Variants in TASOR observed in about 807,000 individuals in gnomAD.
TASOR encodes the protein transcription activation suppressor, also known as protein TASOR.
A neutral mutation model predicts 178.6 loss-of-function variants in TASOR; 53 were observed. The observed-to-expected ratio is 0.30, with a 90% confidence interval of 0.24 to 0.37. TASOR has a LOEUF of 0.37. Among genes scored for constraint, TASOR ranks in the 10% least tolerant of loss-of-function variants. The pLI is 1.00. For missense variants in TASOR, 1,815 were observed against 1,971.4 expected (o/e 0.92, Z 1.50); for synonymous variants, 713 against 696.2 (o/e 1.02, Z -0.38).
Position 56,641,727 on chromosome 3 carries a change from A to C in TASOR, c.2241T>G (p.Leu747=). 6.2e-7 allele frequency: 1 copy of C among 1,614,052 alleles called. No homozygotes were observed. The highest frequency in any genetic ancestry group is 8.5e-7 in the Non-Finnish European group (1 of 1,179,910). Residue 747 remains leucine (L), a synonymous_variant, in exon 15 of 24, where the codon CTT becomes CTG. Transcript: ENST00000683822. ...GCCGCCTCAAGTCAGCATCATGTCC[A>C]AGTGAGCCAATAGGCTGTGGAGACT... The part of the protein sequence containing the change: ...YEESPQPIGS[L]GHDADLRRQQ...
chr3:56,640,960 G>A (rs1445433078), intron 15 of TASOR, among the ~76,000 whole-genome samples: 1 of 152,170 alleles, frequency 6.6e-6, no homozygotes, highest in Non-Finnish European at 1.5e-5. Context: ...ACTGAGACTG[G>A]CATCCTCATC....
rs1277094721 is a variant in TASOR at position 56,622,836 on chromosome 3, C to T, written c.*201G>A. On this transcript the variant is annotated 3_prime_UTR_variant, in exon 24 of 24. Coordinates refer to ENST00000683822, the MANE Select transcript of TASOR (RefSeq NM_001365635.2). ...AAAAAGTAAAACTTAGAAGTGCCAA[C>T]ATGAGATAATTCAAGTACAATATAT... The T allele has an allele frequency of 2.8e-6, 1 of 358,624 alleles. No homozygotes were observed. Among genetic ancestry groups the T allele is most frequent in the East Asian group, 4.4e-5 (1 of 22,846 alleles). The allele number at this position is 358,624 out of a possible 1,614,324, so 22.2% of individuals were successfully genotyped here. A position where few individuals can be genotyped will look rare whatever the true frequency, so the allele number is the denominator to read the frequency against.
chr3:56,633,061 G>A lies in TASOR; in HGVS notation c.3730C>T (p.Leu1244Phe). ...FYIHEEEESVLCKEIKEYLIK... is the reference protein window; with the variant it reads ...FYIHEEEESVFCKEIKEYLIK... ...TTAGTTACCTTTATTTCTTTACAGA[G>A]CACACTCTCTTCTTCTTCATGAATA... is the stretch of plus-strand genomic sequence containing the variant. Residue 1244 changes from leucine (L) to phenylalanine (F), a missense_variant, in exon 18 of 24, where the codon CTC becomes TTC. Physicochemically the swap from Leu to Phe is conservative, Grantham distance 22 (BLOSUM62 0). This residue lies in a region of TASOR where 655 missense variants were observed against 671.1 expected (regional missense o/e 0.98). Coordinates refer to ENST00000683822, the MANE Select transcript of TASOR (RefSeq NM_001365635.2). 1 of 1,593,482 alleles carries A rather than the reference G, an allele frequency of 6.3e-7. No homozygotes were observed.
intron 2 of TASOR, among the ~76,000 whole-genome samples, 196 bp downstream of exon 2, chr3:56,673,384 A>T (rs2107634252): frequency 7.0e-6 from 1 of 143,568 alleles, no homozygotes; most frequent in African/African-American, 2.6e-5. Flanking sequence ...GTGAGCCGAG[A>T]TCGCGCCACT....
intron 4 of TASOR, 106 bp downstream of exon 4, chr3:56,669,967 T>C: frequency 1.1e-6 from 1 of 926,428 alleles, no homozygotes; most frequent in Non-Finnish European, 1.6e-6. Context: ...TCTGGGAACA[T>C]AATAAAGCAT....
Position 56,624,496 on chromosome 3 carries a change from T to G in TASOR, c.4466A>C (p.Asn1489Thr). Residue 1489 changes from asparagine (N) to threonine (T), a missense_variant, in exon 23 of 24, where the codon AAT (asparagine) becomes ACT (threonine). Coordinates refer to ENST00000683822, the MANE Select transcript of TASOR (RefSeq NM_001365635.2). ...ENLPQLGANE[N>T]LESQSALLEN... Reference sequence around the variant, plus strand: ...AAAGTTACCTGACTGCGACTCAAGATTCTCATTAGCACCAAGCTGTGGAAG... The same window carrying G: ...AAAGTTACCTGACTGCGACTCAAGAGTCTCATTAGCACCAAGCTGTGGAAG... 6.2e-7 allele frequency: 1 copy of G among 1,612,684 alleles called. No individual in the cohort carries two copies. The highest frequency in any genetic ancestry group is 1.3e-5 in the African/African-American group (1 of 74,940).
At chr3:56,659,235 C>A (rs977977342) in intron 11 of TASOR, among the ~76,000 whole-genome samples, 1 of 151,970 alleles carries the variant, frequency 6.6e-6, no homozygotes, top group Non-Finnish European at 1.5e-5. Context: ...TGAGGCTCAA[C>A]AAAGTGAGAA....
rs59204700 is a variant in TASOR, at chr3:56,630,802, G to A, written c.3748-2188C>T. Among the ~76,000 whole-genome samples the A allele has an allele frequency of 6.1e-3, 922 of 151,960 alleles. 5 individuals carry two copies. The highest frequency in any genetic ancestry group is 0.019 in the African/African-American group (797 of 41,432). ...GGAGGTTGCAGTGAGCCAAGATAGT[G>A]CCATTACACTCCACCCTGGGCAACA... On this transcript the variant is annotated intron_variant, in intron 18 of 23. Transcript: ENST00000683822.
chr3:56,656,902 C>G (rs994791575), intron 11 of TASOR, among the ~76,000 whole-genome samples: 12 of 151,540 alleles, frequency 7.9e-5, no homozygotes, highest in Non-Finnish European at 1.3e-4. Context: ...CCCAGCTACT[C>G]TGGAGGCTGA....
rs200344458 is a variant in TASOR, at chr3:56,623,584, A to G, written c.4484-18T>C. 17 of 1,554,470 alleles carry G rather than the reference A, an allele frequency of 1.1e-5. No homozygotes were observed. Among genetic ancestry groups the G allele is most frequent in the Non-Finnish European group, 1.3e-5 (15 of 1,160,188 alleles). On this transcript the variant is annotated intron_variant, in intron 23 of 23. Coordinates refer to ENST00000683822, the MANE Select transcript of TASOR (RefSeq NM_001365635.2). ...TAAAAGAGCTACATTTAAAAAACAA[A>G]AAGTCCTCCTCTATTGAAATACACA...
chr3:56,648,074 C>T (rs950463697), intron 13 of TASOR, among the ~76,000 whole-genome samples: 1 of 152,066 alleles, frequency 6.6e-6, no homozygotes, highest in Non-Finnish European at 1.5e-5. Context: ...GCTGTGCTGG[C>T]GCACGCCTGT....
intron 18 of TASOR, among the ~76,000 whole-genome samples, chr3:56,630,680 C>G (rs1044015558): frequency 1.3e-5 from 2 of 152,016 alleles, no homozygotes; most frequent in African/African-American, 4.8e-5. Context: ...CCTGTCTCTA[C>G]TAAAAATACA....
At chr3:56,635,228 A>G (rs2076992391) in intron 17 of TASOR, among the ~76,000 whole-genome samples, 1 of 152,232 alleles carries the variant, frequency 6.6e-6, no homozygotes, top group Non-Finnish European at 1.5e-5. Context: ...TTGCAAAGGC[A>G]ATTTGTCAGC....
At chr3:56,643,772 A>C (rs997490608) in intron 14 of TASOR, among the ~76,000 whole-genome samples, 12 of 149,638 alleles carry the variant, frequency 8.0e-5, no homozygotes, top group Non-Finnish European at 1.5e-4. Flanking sequence ...AAAAAAACAA[A>C]AAAAAAAGTT....
Position 56,620,146 on chromosome 3 carries a change from GT to G in TASOR, c.*2890del, listed in dbSNP as rs1663769397. The stretch of plus-strand genomic sequence containing the variant: ...TCAGACAGTTCTAAAATTAAGACAA[GT>G]TTATTGAGTAAAAAAATGCATACAT... On this transcript the variant is annotated 3_prime_UTR_variant, in exon 24 of 24. Coordinates refer to ENST00000683822, the MANE Select transcript of TASOR (RefSeq NM_001365635.2). The G allele has an allele frequency of 1.2e-5, 3 of 244,024 alleles. No homozygotes were observed. Among genetic ancestry groups the G allele is most frequent in the Non-Finnish European group, 2.3e-5 (3 of 128,244 alleles). The allele number at this position is 244,024 out of a possible 1,614,324, so 15.1% of individuals were successfully genotyped here.
Position 56,641,714 on chromosome 3 carries a change from C to A in TASOR, c.2254G>T (p.Asp752Tyr). 1 of 1,614,082 alleles carries A rather than the reference C, an allele frequency of 6.2e-7. No individual in the cohort carries two copies. The highest frequency in any genetic ancestry group is 1.1e-5 in the South Asian group (1 of 91,064). The change falls in exon 15 of 24, where the codon GAC becomes TAC. Residue 752 changes from aspartate (D) to tyrosine (Y), a missense_variant. By Grantham distance (160) the Asp-to-Tyr change is radical (BLOSUM62 -3). Transcript: ENST00000683822. ...QPIGSLGHDADLRRQQQDTCN... is the reference protein window; with the variant it reads ...QPIGSLGHDAYLRRQQQDTCN... ...GTATCCTGCTGCTGCCGCCTCAAGT[C>A]AGCATCATGTCCAAGTGAGCCAATA... is the stretch of plus-strand genomic sequence containing the variant.
At chr3:56,658,130 T>TA (rs2077511626) in intron 11 of TASOR, among the ~76,000 whole-genome samples, 2 of 152,224 alleles carry the variant, frequency 1.3e-5, no homozygotes, top group African/African-American at 4.8e-5. Flanking sequence ...ATAAAGTAGC[T>TA]ATAGACGGAA....
intron 14 of TASOR, among the ~76,000 whole-genome samples, chr3:56,644,488 A>G (rs1246578178): frequency 6.6e-6 from 1 of 152,242 alleles, no homozygotes; most frequent in Non-Finnish European, 1.5e-5. Flanking sequence ...TCAGGAAAAA[A>G]AAGAGGGAAA....
chr3:56,660,861 T>C (rs752943057), intron 10 of TASOR, 27 bp from the exon 11 acceptor site: 12 of 1,609,174 alleles, frequency 7.5e-6, no homozygotes, highest in East Asian at 4.5e-5. Context: ...ACATAGTAAA[T>C]ATCCAAATCA....
Sources: gnomAD v4.1 joint callset for allele counts (sites outside exome capture counted in the v4.1 genomes callset) on GRCh38, gnomAD v4.1.1 for gene constraint, gnomAD v4.1.1 regional missense constraint, MANE v1.5 for transcripts, NCBI Gene and HGNC (gene_info 2026-07-23, HGNC 2026-07-21) for gene names.